Variants in VCL observed in about 807,000 individuals in gnomAD.
The protein encoded by VCL is epididymis luminal protein 114.
VCL carries 47 observed loss-of-function variants against 125.7 expected under a neutral mutation model. The observed-to-expected ratio is 0.37, with a 90% confidence interval of 0.30 to 0.48. The LOEUF (loss-of-function observed/expected upper bound fraction) is 0.48. Ranked by LOEUF, VCL falls within the 20% of genes least tolerant of loss-of-function variation. VCL has a pLI of 0.99. For missense variants in VCL, 1,069 were observed against 1,455.5 expected (o/e 0.73, Z 4.32); for synonymous variants, 458 against 514.6 (o/e 0.89, Z 1.49).
At chr10:74,069,061 T>C (rs1841619065) in intron 2 of VCL, among the ~76,000 whole-genome samples, 1 of 151,936 alleles carries the variant, frequency 6.6e-6, no homozygotes, top group African/African-American at 2.4e-5. Context: ...TTTGTTTGTT[T>C]GTTCGTTTGT....
chr10:74,090,994 TGTTGCTATGTTGTCA>T (rs1184347239), intron 10 of VCL, among the ~76,000 whole-genome samples: 1 of 151,588 alleles, frequency 6.6e-6, no homozygotes, highest in East Asian at 1.9e-4. Flanking sequence ...AGAGACGGGG[TGTTGCTATGTTGTCA>T]GGGCTGGTCT....
intron 21 of VCL, among the ~76,000 whole-genome samples, chr10:74,115,412 ATAAATAAG>A (rs899377704): frequency 1.1e-4 from 15 of 139,796 alleles, no homozygotes; most frequent in African/African-American, 4.0e-4. Context: ...AAATAAATAA[ATAAATAAG>A]TAAATAAAAG....
At chr10:73,998,402 G>A (rs1487054870) in intron 1 of VCL, 27 bp downstream of exon 1, 13 of 1,439,020 alleles carry the variant, frequency 9.0e-6, no homozygotes, top group Non-Finnish European at 1.2e-5. Flanking sequence ...TGGCGCGGGA[G>A]CGGGCGCGGG....
At chr10:74,018,571 A>G (rs974925101) in intron 1 of VCL, among the ~76,000 whole-genome samples, 1 of 152,164 alleles carries the variant, frequency 6.6e-6, no homozygotes, top group African/African-American at 2.4e-5. Flanking sequence ...TGCAGAGTGA[A>G]TACAAAGATA....
In VCL at chr10:74,097,498, G is replaced by A. The variant is rs1469258174; in HGVS notation, c.1872+166G>A. On this transcript the variant is annotated intron_variant, in intron 13 of 21. Transcript: ENST00000211998. The surrounding 1 kb of genome is among the most constrained non-coding windows in gnomAD (Gnocchi z 4.1). ...TACCACCTCTACTTTTAGTCTCCAC[G>A]TATATCAGTGAGGAATATCTTTAGT... Among the ~76,000 whole-genome samples the A allele has an allele frequency of 6.6e-6, 1 of 152,138 alleles. No homozygotes were observed. The highest frequency in any genetic ancestry group is 2.4e-5 in the African/African-American group (1 of 41,414).
At chr10:74,058,074 G>A (rs979422069) in intron 2 of VCL, among the ~76,000 whole-genome samples, 1 of 152,214 alleles carries the variant, frequency 6.6e-6, no homozygotes, top group Non-Finnish European at 1.5e-5. Flanking sequence ...GACAGGATGG[G>A]AAGGGAAGGG....
At chr10:74,115,481 T>C (rs1840297715) in intron 21 of VCL, among the ~76,000 whole-genome samples, 1 of 152,196 alleles carries the variant, frequency 6.6e-6, no homozygotes, top group Non-Finnish European at 1.5e-5. Flanking sequence ...GATAGGAAAC[T>C]GAGGTCTAGA....
chr10:74,039,217 G>A (rs1398811434), intron 1 of VCL, among the ~76,000 whole-genome samples: 1 of 151,940 alleles, frequency 6.6e-6, no homozygotes, highest in African/African-American at 2.4e-5. Context: ...CCGGCCACGT[G>A]GTTTTTATTT....
At chr10:74,095,884 C>CT in intron 12 of VCL, 29 bp downstream of exon 12, 2 of 1,607,432 alleles carry the variant, frequency 1.2e-6, no homozygotes, top group Non-Finnish European at 1.7e-6. Flanking sequence ...TATCATTTTA[C>CT]TTTTTATGCT....
chr10:74,102,970 G>A (rs755256998), intron 14 of VCL, among the ~76,000 whole-genome samples: 11 of 152,086 alleles, frequency 7.2e-5, no homozygotes, highest in South Asian at 2.1e-4. Context: ...GGGTTCAAGC[G>A]ATTCTCTTGC....
chr10:74,073,003 C>T lies in VCL; in HGVS notation c.622+151C>T, dbSNP rs556641562. The T allele has an allele frequency of 6.1e-5, 71 of 1,161,078 alleles. 1 individual carries two copies. In the Middle Eastern group the frequency reaches 8.9e-4, roughly 15 times the overall value. The allele number at this position is 1,161,078 out of a possible 1,614,324, so 71.9% of individuals were successfully genotyped here. A position where few individuals can be genotyped will look rare whatever the true frequency, so the allele number is the denominator to read the frequency against. On this transcript the variant is annotated intron_variant, in intron 5 of 21. Transcript: ENST00000211998. ...GTTGCCAGGCTGGAGTGCAGTGGTG[C>T]GATCTCGGCTCACTGCAACCTCTGC...
chr10:74,007,548 T>G (rs986451354), intron 1 of VCL, among the ~76,000 whole-genome samples: 1 of 152,176 alleles, frequency 6.6e-6, no homozygotes, highest in African/African-American at 2.4e-5. Context: ...CAGGCTGCAG[T>G]GCAGTGGGAC....
intron 2 of VCL, among the ~76,000 whole-genome samples, chr10:74,065,522 G>A (rs986804228): frequency 5.9e-5 from 9 of 151,666 alleles, no homozygotes; most frequent in African/African-American, 2.2e-4. Context: ...ACACTCCATC[G>A]CTACAAAAAA....
chr10:74,096,386 CTT>C (rs371832374), intron 12 of VCL, among the ~76,000 whole-genome samples: 1 of 152,124 alleles, frequency 6.6e-6, no homozygotes, highest in African/African-American at 2.4e-5. Context: ...TGAAAGAAAA[CTT>C]TGTAATCCTG....
Position 74,089,266 on chromosome 10 carries a change from G to A in VCL, c.1093G>A (p.Ala365Thr). ...ATCTCAGGGTCTGGATGTGCTCACA[G>A]CAAAAGTGGAAAATGCAGCTCGCAA... Reference protein sequence around the residue: ...QVSQGLDVLTAKVENAARKLE... With the variant: ...QVSQGLDVLTTKVENAARKLE... The change falls in exon 9 of 22, where the codon GCA (alanine) becomes ACA (threonine). Residue 365 changes from alanine (A) to threonine (T), a missense_variant. Around this residue, in one of 6 missense-constraint regions of VCL, gnomAD observed 760 missense variants for 928.9 expected, o/e 0.82. Transcript: ENST00000211998. 6.2e-7 allele frequency: 1 copy of A among 1,614,106 alleles called. No individual in the cohort carries two copies. The highest frequency in any genetic ancestry group is 8.5e-7 in the Non-Finnish European group (1 of 1,180,012).
Position 74,064,554 on chromosome 10 carries a change from A to G in VCL, c.240-6116A>G, listed in dbSNP as rs147670387. Among the ~76,000 whole-genome samples, 518 of 152,016 alleles carry G rather than the reference A, an allele frequency of 3.4e-3. 4 individuals carry two copies. The highest frequency in any genetic ancestry group is 0.011 in the African/African-American group (456 of 41,456). On this transcript the variant is annotated intron_variant, in intron 2 of 21. Coordinates refer to ENST00000211998, the MANE Select transcript of VCL (RefSeq NM_014000.3). ...CTGAGTAGCTAGGACTACAGGTGTG[A>G]GCCACCGTGCCTGCCTATCTTTTTA...
Position 74,094,475 on chromosome 10 carries a change from T to A in VCL, c.1543+14T>A. On this transcript the variant is annotated intron_variant, in intron 11 of 21. Transcript: ENST00000211998. The stretch of plus-strand genomic sequence containing the variant: ...ACCGTGGAGTCGGTAAGGGCAGCAG[T>A]GCACTATAACCTCATTAAATTGGTC... 1 of 1,610,990 alleles carries A rather than the reference T, an allele frequency of 6.2e-7. No homozygotes were observed. Among genetic ancestry groups the A allele is most frequent in the Non-Finnish European group, 8.5e-7 (1 of 1,178,550 alleles).
chr10:74,057,847 C>A (rs1841415352), intron 2 of VCL, among the ~76,000 whole-genome samples: 1 of 152,140 alleles, frequency 6.6e-6, no homozygotes, highest in African/African-American at 2.4e-5. Context: ...GTAGGAGGAT[C>A]ACTTGAGCCC....
At chr10:74,084,084 C>G (rs550031099) in intron 8 of VCL, among the ~76,000 whole-genome samples, 3 of 152,234 alleles carry the variant, frequency 2.0e-5, no homozygotes, top group Admixed American at 6.5e-5. Flanking sequence ...CCAGGCTGGT[C>G]TTGAACTCCT....
Sources: gnomAD v4.1 joint callset for allele counts (sites outside exome capture counted in the v4.1 genomes callset) on GRCh38, gnomAD v4.1.1 for gene constraint, gnomAD v4.1.1 regional missense constraint, Gnocchi (gnomAD v3.1) non-coding constraint, MANE v1.5 for transcripts, NCBI Gene and HGNC (gene_info 2026-07-23, HGNC 2026-07-21) for gene names.